LRRC4C: variants seen among roughly 807,000 people sequenced by gnomAD.
The protein encoded by LRRC4C is leucine-rich repeat-containing protein 4C.
In LRRC4C, 5 loss-of-function variants were observed where a neutral mutation model predicts 33.6. The ratio of observed to expected loss-of-function variants is 0.15; its 90% CI spans 0.08 to 0.31. The LOEUF (loss-of-function observed/expected upper bound fraction) is 0.31, where lower values mean the gene tolerates loss of function less well. Among genes scored for constraint, LRRC4C ranks in the 10% least tolerant of loss-of-function variants. The probability of loss-of-function intolerance (pLI) is 1.00; values close to 1 mark genes in which losing one functional copy is unlikely to be tolerated. For missense variants in LRRC4C, 560 were observed against 796.7 expected, an observed-to-expected ratio of 0.70 and a Z score of 3.58; for synonymous variants, 329 against 302.0, an observed-to-expected ratio of 1.09 and a Z score of -0.93.
intron 5 of LRRC4C, among the ~76,000 whole-genome samples, chr11:40,200,310 G>A (rs1432623316): frequency 6.6e-6 from 1 of 151,524 alleles, no homozygotes; most frequent in African/African-American, 2.4e-5. Context: ...GTTGCAGTGA[G>A]CCGAGATCGC....
intron 1 of LRRC4C, among the ~76,000 whole-genome samples, chr11:41,113,987 T>G (rs756763089): frequency 2.0e-5 from 3 of 152,058 alleles, no homozygotes; most frequent in Non-Finnish European, 4.4e-5. Context: ...GAGCCCATTT[T>G]CTATTAAGGC....
intron 1 of LRRC4C, among the ~76,000 whole-genome samples, chr11:41,284,817 G>C (rs899907110): frequency 6.6e-6 from 1 of 152,110 alleles, no homozygotes; most frequent in Non-Finnish European, 1.5e-5. Flanking sequence ...TTCCCCTAAT[G>C]CTGTCTTGTT....
At position 40,591,743 on chromosome 11, in the gene LRRC4C, T is replaced by G. The variant is rs545948627; in HGVS notation, c.-270+56399A>C. On this transcript the variant is annotated intron_variant, in intron 3 of 6. Transcript: ENST00000528697. ...TTATGCCTCATTAGTGACCTTAACC[T>G]TGCTGGATTTAGAAGCATAAACAAA... is the stretch of plus-strand genomic sequence containing the variant. Among the ~76,000 whole-genome samples the G allele has an allele frequency of 1.7e-3, 263 of 152,338 alleles. 1 individual carries two copies. The highest frequency in any genetic ancestry group is 0.01 in the Middle Eastern group (3 of 294).
chr11:40,150,763 C>G (rs1290591655), intron 5 of LRRC4C, among the ~76,000 whole-genome samples: 2 of 152,086 alleles, frequency 1.3e-5, no homozygotes, highest in Non-Finnish European at 2.9e-5. Context: ...TTCAATCTAC[C>G]ATTCTGACCA....
At chr11:40,549,757 A>T (rs980634067) in intron 3 of LRRC4C, among the ~76,000 whole-genome samples, 1 of 152,182 alleles carries the variant, frequency 6.6e-6, no homozygotes, top group Non-Finnish European at 1.5e-5. Flanking sequence ...TTGCTAAAGT[A>T]AATGTCAGAA....
chr11:40,190,381 T>C (rs1186366757), intron 5 of LRRC4C, among the ~76,000 whole-genome samples: 1 of 152,182 alleles, frequency 6.6e-6, no homozygotes, highest in Non-Finnish European at 1.5e-5. Flanking sequence ...ACTGGATGGA[T>C]TTTTAAAAGC....
rs189987418 is a variant in LRRC4C, at chr11:40,471,560, C to G, written c.-269-151839G>C. On this transcript the variant is annotated intron_variant, in intron 3 of 6. Coordinates refer to ENST00000528697, the MANE Select transcript of LRRC4C (RefSeq NM_001258419.2). ...AATATTAACTTTAAATGTAAACAAG[C>G]TAAATACCCCAATTAAAAGATCCCT... Among the ~76,000 whole-genome samples the G allele has an allele frequency of 1.7e-3, 261 of 151,796 alleles. 1 individual carries two copies. Among genetic ancestry groups the G allele is most frequent in the Non-Finnish European group, 3.2e-3 (216 of 67,910 alleles).
intron 5 of LRRC4C, among the ~76,000 whole-genome samples, chr11:40,224,430 T>G (rs1160124757): frequency 1.3e-5 from 2 of 152,240 alleles, no homozygotes; most frequent in African/African-American, 2.4e-5. Context: ...GATTTACACC[T>G]TTCAAGACGT....
chr11:41,300,142 C>T (rs1420931347), intron 1 of LRRC4C, among the ~76,000 whole-genome samples: 1 of 152,146 alleles, frequency 6.6e-6, no homozygotes, highest in Non-Finnish European at 1.5e-5. Flanking sequence ...AGTTTGAACT[C>T]AGCATTTAGA....
At chr11:41,413,539 A>T (rs970783530) in intron 1 of LRRC4C, among the ~76,000 whole-genome samples, 1 of 152,190 alleles carries the variant, frequency 6.6e-6, no homozygotes, top group East Asian at 1.9e-4. Context: ...ACCTCAGAAG[A>T]ATCTGAGTTT....
At chr11:41,204,936 C>T (rs951955174) in intron 1 of LRRC4C, among the ~76,000 whole-genome samples, 4 of 151,980 alleles carry the variant, frequency 2.6e-5, no homozygotes, top group African/African-American at 4.8e-5. Flanking sequence ...GGAGTGTTGC[C>T]CACTTTAGAT....
intron 1 of LRRC4C, among the ~76,000 whole-genome samples, chr11:41,221,321 T>A (rs927323467): frequency 4.0e-5 from 6 of 151,580 alleles, no homozygotes; most frequent in Non-Finnish European, 8.8e-5. Flanking sequence ...TCACTGATTA[T>A]TAGAGAAATG....
chr11:41,244,468 A>G (rs1231213413), intron 1 of LRRC4C, among the ~76,000 whole-genome samples: 2 of 152,208 alleles, frequency 1.3e-5, no homozygotes, highest in African/African-American at 2.4e-5. Context: ...CAAAGAGTAC[A>G]TTGGATCCAG....
intron 2 of LRRC4C, among the ~76,000 whole-genome samples, chr11:40,710,118 T>C (rs1179938843): frequency 2.0e-5 from 3 of 152,200 alleles, no homozygotes; most frequent in Admixed American, 6.5e-5. Context: ...TTTAGCTTCT[T>C]TGCGATGGGT....
chr11:41,141,340 T>G (rs1467764687), intron 1 of LRRC4C, among the ~76,000 whole-genome samples: 1 of 152,024 alleles, frequency 6.6e-6, no homozygotes, highest in South Asian at 2.1e-4. Flanking sequence ...CTACCTTATC[T>G]GTTTGACACA....
At chr11:40,750,940 T>C (rs4309151) in intron 2 of LRRC4C, among the ~76,000 whole-genome samples, 115,844 of 151,576 alleles carry the variant, frequency 0.76, 44,380 homozygotes, top group Middle Eastern at 0.85. Context: ...GGTATTTACA[T>C]CATGGTTTGT....
intron 1 of LRRC4C, among the ~76,000 whole-genome samples, chr11:41,052,241 T>C (rs1003793002): frequency 6.6e-6 from 1 of 152,152 alleles, no homozygotes; most frequent in African/African-American, 2.4e-5. Flanking sequence ...AAAAACTCTC[T>C]GTTTGAAAGT....
At chr11:40,155,994 T>C (rs1858657050) in intron 5 of LRRC4C, among the ~76,000 whole-genome samples, 1 of 152,132 alleles carries the variant, frequency 6.6e-6, no homozygotes, top group Non-Finnish European at 1.5e-5. Flanking sequence ...ATCAAAAAGA[T>C]AATCCACCAT....
rs545850802 is a variant in LRRC4C, at chr11:40,577,679, A to T, written c.-270+70463T>A. Among the ~76,000 whole-genome samples the T allele has an allele frequency of 3.3e-5, 5 of 152,220 alleles. 1 individual carries two copies. The highest frequency in any genetic ancestry group is 1.2e-4 in the African/African-American group (5 of 41,540). The stretch of plus-strand genomic sequence containing the variant: ...TGCTAAACATCCTACAGTGCACACC[A>T]CAGTCCCTCAGGAAAAACAAACAAG... On this transcript the variant is annotated intron_variant, in intron 3 of 6. Transcript: ENST00000528697.
Sources: allele counts gnomAD v4.1 joint callset (sites outside exome capture counted in the v4.1 genomes callset), GRCh38; gene constraint gnomAD v4.1.1; transcripts MANE v1.5; gene names NCBI Gene and HGNC (gene_info 2026-07-23, HGNC 2026-07-21).